TTLL11: variants seen among roughly 807,000 people sequenced by gnomAD.
TTLL11 encodes tubulin polyglutamylase TTLL11.
In TTLL11, 42 loss-of-function variants were observed where a neutral mutation model predicts 51.7. The observed-to-expected ratio is 0.81, with a 90% CI of 0.64 to 1.05. The LOEUF (loss-of-function observed/expected upper bound fraction) is 1.05, where lower values mean the gene tolerates loss of function less well. TTLL11 is among the 50% of genes least tolerant of loss of function. The probability of loss-of-function intolerance (pLI) is 0.00; values close to 1 mark genes in which losing one functional copy is unlikely to be tolerated. For missense variants in TTLL11, 799 were observed against 940.4 expected, an observed-to-expected ratio of 0.85 and a Z score of 1.97; for synonymous variants, 381 against 383.5, an observed-to-expected ratio of 0.99 and a Z score of 0.08.
chr9:121,994,661 T>C (rs1171103312), intron 3 of TTLL11, among the ~76,000 whole-genome samples: 1 of 152,202 alleles, frequency 6.6e-6, no homozygotes, highest in Non-Finnish European at 1.5e-5. Context: ...AGCTAGGAAG[T>C]AAGAGTCTCA....
intron 3 of TTLL11, among the ~76,000 whole-genome samples, chr9:121,998,050 G>A (rs1381210269): frequency 6.6e-6 from 1 of 152,190 alleles, no homozygotes; most frequent in Non-Finnish European, 1.5e-5. Context: ...CTCCACTGCT[G>A]AGTAAGCTCC....
chr9:121,989,253 A>C lies in TTLL11; in HGVS notation c.1211T>G (p.Leu404Arg), dbSNP rs760705904. Reference protein sequence around the residue: ...IKTVIALTPELKVFYQSDIPT... With the variant: ...IKTVIALTPERKVFYQSDIPT... ...GATGTCTGACTGGTAGAAGACTTTG[A>C]GCTCTGGAGTCAGCGCGATGACCGT... The change falls in exon 4 of 9, where the codon CTC becomes CGC. Residue 404 changes from leucine to arginine, a missense_variant. Leu to Arg is a moderately radical substitution (Grantham distance 102). Coordinates refer to ENST00000321582, the MANE Select transcript of TTLL11 (RefSeq NM_001139442.2). This position sits in a 1 kb window ranked among gnomAD's most constrained non-coding sequence, Gnocchi z 4.2. 1 of 1,614,100 alleles carries C rather than the reference A, an allele frequency of 6.2e-7. No individual in the cohort carries two copies. Among genetic ancestry groups the C allele is most frequent in the Admixed American group, 1.7e-5 (1 of 60,018 alleles).
chr9:121,873,382 CTTT>C (rs71370697), intron 6 of TTLL11, among the ~76,000 whole-genome samples: 92 of 110,510 alleles, frequency 8.3e-4, no homozygotes, highest in Middle Eastern at 9.7e-3. Flanking sequence ...TCTTCTTCTC[CTTT>C]TTTTTTTTTT....
intron 6 of TTLL11, among the ~76,000 whole-genome samples, chr9:121,971,430 T>G (rs1842569700): frequency 2.0e-5 from 2 of 98,410 alleles, no homozygotes; most frequent in African/African-American, 7.1e-5. Context: ...AGCCGCCCCG[T>G]CCGGGAGGGA....
chr9:121,899,227 T>A (rs147717618), intron 6 of TTLL11, among the ~76,000 whole-genome samples: 3 of 151,986 alleles, frequency 2.0e-5, no homozygotes, highest in Non-Finnish European at 4.4e-5. Context: ...GCTCCCTCTA[T>A]CCTCTGCGTG....
chr9:121,869,103 C>T (rs961228915), intron 7 of TTLL11, among the ~76,000 whole-genome samples: 2 of 152,336 alleles, frequency 1.3e-5, no homozygotes, highest in East Asian at 1.9e-4. Flanking sequence ...AAAGCCTGTC[C>T]TCTTTCCACT....
chr9:121,829,844 C>G (rs989835934), intron 8 of TTLL11, among the ~76,000 whole-genome samples: 12 of 151,696 alleles, frequency 7.9e-5, no homozygotes, highest in Non-Finnish European at 1.5e-4. Flanking sequence ...AAAAATACCC[C>G]CAACCTAGCC....
intron 6 of TTLL11, among the ~76,000 whole-genome samples, chr9:121,873,012 A>G (rs1838412463): frequency 6.6e-6 from 1 of 152,256 alleles, no homozygotes; most frequent in Non-Finnish European, 1.5e-5. Context: ...ATGAGAAAAA[A>G]GGCGACACTT....
chr9:122,085,989 C>T lies in TTLL11; in HGVS notation c.462+6698G>A, dbSNP rs141266397. On this transcript the variant is annotated intron_variant, in intron 1 of 8. Transcript: ENST00000321582. ...ACAGTGGTCGATTACTTTTACAATA[C>T]GTTCAAGAACAGATTTAAATAAAAA... 5.1e-4 allele frequency among the ~76,000 whole-genome samples: 77 copies of T among 152,334 alleles called. No homozygotes were observed. The Middle Eastern group carries it at 0.01, about 20-fold the overall frequency.
chr9:121,879,126 G>A (rs889288976), intron 6 of TTLL11, among the ~76,000 whole-genome samples: 1 of 152,172 alleles, frequency 6.6e-6, no homozygotes, highest in Non-Finnish European at 1.5e-5. Flanking sequence ...CTCAATACCT[G>A]TTTGCCACTT....
At chr9:121,998,423 A>T (rs1460354248) in intron 3 of TTLL11, among the ~76,000 whole-genome samples, 1 of 151,980 alleles carries the variant, frequency 6.6e-6, no homozygotes, top group African/African-American at 2.4e-5. Flanking sequence ...AGTAGCTGGG[A>T]TTACAGGCAC....
chr9:121,833,369 C>T (rs917512718), intron 8 of TTLL11, among the ~76,000 whole-genome samples: 2 of 152,160 alleles, frequency 1.3e-5, no homozygotes, highest in Non-Finnish European at 2.9e-5. Flanking sequence ...AGGCCAAAGC[C>T]CCCTGCTCTC....
chr9:121,836,924 C>T (rs1837195456), intron 8 of TTLL11, among the ~76,000 whole-genome samples: 1 of 152,198 alleles, frequency 6.6e-6, no homozygotes, highest in African/African-American at 2.4e-5. Context: ...GAAGTGAATG[C>T]TGTTTGCAAT....
intron 6 of TTLL11, among the ~76,000 whole-genome samples, chr9:121,886,940 A>T (rs1307875922): frequency 6.6e-6 from 1 of 152,182 alleles, no homozygotes; most frequent in Non-Finnish European, 1.5e-5. Context: ...AGCCACAGGG[A>T]GTATCTCCCT....
At chr9:122,068,401 T>C (rs1373117308) in intron 1 of TTLL11, among the ~76,000 whole-genome samples, 1 of 152,222 alleles carries the variant, frequency 6.6e-6, no homozygotes, top group African/African-American at 2.4e-5. Context: ...ATCACGTGCA[T>C]GTTATTAAAT....
Position 121,915,651 on chromosome 9 carries a change from T to C in TTLL11, c.1482-44903A>G, listed in dbSNP as rs148281514. 4.0e-3 allele frequency among the ~76,000 whole-genome samples: 610 copies of C among 152,324 alleles called. 2 individuals are homozygous for C. Among genetic ancestry groups the C allele is most frequent in the Middle Eastern group, 6.8e-3 (2 of 294 alleles). On this transcript the variant is annotated intron_variant, in intron 6 of 8. Coordinates refer to ENST00000321582, the MANE Select transcript of TTLL11 (RefSeq NM_001139442.2). ...TGAATAAATATGTACTGTTTGTGTG[T>C]GTAAAAGAACAAAAAAATTGCTATT...
chr9:122,072,688 C>T (rs1845758914), intron 1 of TTLL11, among the ~76,000 whole-genome samples: 1 of 152,114 alleles, frequency 6.6e-6, no homozygotes, highest in Non-Finnish European at 1.5e-5. Flanking sequence ...AGTGTTCTCG[C>T]TTGCCACCAT....
chr9:121,838,318 C>T (rs1305713474), intron 8 of TTLL11, among the ~76,000 whole-genome samples: 1 of 152,174 alleles, frequency 6.6e-6, no homozygotes, highest in African/African-American at 2.4e-5. Flanking sequence ...TCCTGCCCTC[C>T]CCCACCTGAG....
intron 6 of TTLL11, among the ~76,000 whole-genome samples, chr9:121,873,145 G>A (rs951936432): frequency 2.0e-4 from 30 of 152,162 alleles, no homozygotes; most frequent in Non-Finnish European, 2.6e-4. Context: ...CAATAACAAC[G>A]AAAATAGCTC....
Sources: allele counts gnomAD v4.1 joint callset (sites outside exome capture counted in the v4.1 genomes callset), GRCh38; gene constraint gnomAD v4.1.1; non-coding constraint Gnocchi (gnomAD v3.1); transcripts MANE v1.5; gene names NCBI Gene and HGNC (gene_info 2026-07-23, HGNC 2026-07-21).